The following SLC25A21 variants were observed in gnomAD, a reference collection of about 807,000 sequenced individuals.
The protein encoded by SLC25A21 is mitochondrial 2-oxodicarboxylate carrier.
A neutral mutation model predicts 43.8 loss-of-function variants in SLC25A21; 47 were observed. That is an observed-to-expected ratio of 1.07 (90% CI 0.85 to 1.37). SLC25A21 has a LOEUF of 1.37. Among genes scored for constraint, SLC25A21 ranks in the 40% most tolerant of loss-of-function variants. SLC25A21 has a pLI of 0.00. For missense variants in SLC25A21, 352 were observed against 350.2 expected (o/e 1.00, Z -0.04); for synonymous variants, 131 against 121.3 (o/e 1.08, Z -0.52).
intron 2 of SLC25A21, among the ~76,000 whole-genome samples, chr14:36,869,016 C>T (rs1287085293): frequency 1.3e-5 from 2 of 152,208 alleles, no homozygotes; most frequent in African/African-American, 4.8e-5. Flanking sequence ...ACACCACCTT[C>T]TCCCTTTGTC....
intron 1 of SLC25A21, among the ~76,000 whole-genome samples, chr14:37,150,677 C>T (rs199916099): frequency 2.0e-5 from 3 of 152,254 alleles, no homozygotes; most frequent in East Asian, 3.9e-4. Context: ...AGGAAGACAG[C>T]GCCATCTATA....
intron 3 of SLC25A21, among the ~76,000 whole-genome samples, chr14:36,789,895 A>AAT (rs1887413472): frequency 8.4e-6 from 1 of 119,508 alleles, no homozygotes; most frequent in Non-Finnish European, 1.7e-5. Context: ...TAAAATATAT[A>AAT]TTATATATAT....
chr14:37,069,609 A>G (rs1024428867), intron 1 of SLC25A21, among the ~76,000 whole-genome samples: 13 of 152,320 alleles, frequency 8.5e-5, no homozygotes, highest in Admixed American at 8.5e-4. Flanking sequence ...ACAGAAGTAA[A>G]TCATGCAAGG....
At chr14:36,735,930 ATTTT>A (rs776933723) in intron 3 of SLC25A21, among the ~76,000 whole-genome samples, 22 of 84,302 alleles carry the variant, frequency 2.6e-4, no homozygotes, top group Admixed American at 1.2e-3. Context: ...TCTGGCCACA[ATTTT>A]TTTTTTTTTT....
At chr14:36,736,554 T>C (rs1355095381) in intron 3 of SLC25A21, among the ~76,000 whole-genome samples, 1 of 152,140 alleles carries the variant, frequency 6.6e-6, no homozygotes, top group Non-Finnish European at 1.5e-5. Flanking sequence ...TATATAATGA[T>C]AAAGGTTATT....
rs149024509 is a variant in SLC25A21, at chr14:37,151,190, A to C, written c.70+21091T>G. ...GTCTATTCTAGTTTTTACAGACATT[A>C]AATTACATGCGACTTAAGATTCCCT... On this transcript the variant is annotated intron_variant, in intron 1 of 9. Transcript: ENST00000331299. Among the ~76,000 whole-genome samples, 1,316 of 152,310 alleles carry C rather than the reference A, an allele frequency of 8.6e-3. 72 individuals carry two copies. Among genetic ancestry groups the C allele is most frequent in the Admixed American group, 0.078 (1,188 of 15,284 alleles).
rs115619800 is a variant in SLC25A21, at chr14:36,855,638, C to A, written c.119+19318G>T. 5.9e-3 allele frequency among the ~76,000 whole-genome samples: 905 copies of A among 152,240 alleles called. 13 individuals are homozygous for A. Among genetic ancestry groups the A allele is most frequent in the African/African-American group, 0.021 (883 of 41,538 alleles). The stretch of plus-strand genomic sequence containing the variant: ...CAGTATGAGCAACTGTGGGGTGGGG[C>A]TCAGCAATCTGGGTTTTAACTAGCC... On this transcript the variant is annotated intron_variant, in intron 2 of 9. Coordinates refer to ENST00000331299, the MANE Select transcript of SLC25A21 (RefSeq NM_030631.4).
At chr14:36,813,221 C>T (rs1009111466) in intron 3 of SLC25A21, among the ~76,000 whole-genome samples, 3 of 152,236 alleles carry the variant, frequency 2.0e-5, no homozygotes, top group East Asian at 1.9e-4. Flanking sequence ...CCTAGCCCCT[C>T]GCTTCCAACA....
intron 1 of SLC25A21, among the ~76,000 whole-genome samples, chr14:37,146,393 C>T (rs766356133): frequency 2.6e-5 from 4 of 152,022 alleles, no homozygotes; most frequent in Non-Finnish European, 4.4e-5. Flanking sequence ...GCTACAGGAA[C>T]GTGGCATCAC....
At chr14:36,954,091 C>T (rs576076656) in intron 1 of SLC25A21, among the ~76,000 whole-genome samples, 61 of 152,268 alleles carry the variant, frequency 4.0e-4, no homozygotes, top group African/African-American at 1.4e-3. Flanking sequence ...CCAAACTGAT[C>T]GTCCCATCTC....
chr14:36,772,183 G>C (rs1886643995), intron 3 of SLC25A21, among the ~76,000 whole-genome samples: 1 of 152,192 alleles, frequency 6.6e-6, no homozygotes, highest in Non-Finnish European at 1.5e-5. Context: ...AAGTGAAAAG[G>C]GAGAGCTCTT....
At chr14:36,753,838 C>T (rs1885807801) in intron 3 of SLC25A21, among the ~76,000 whole-genome samples, 2 of 151,656 alleles carry the variant, frequency 1.3e-5, no homozygotes, top group South Asian at 2.1e-4. Flanking sequence ...TACCTGGCTT[C>T]TGATGAGGCA....
intron 6 of SLC25A21, among the ~76,000 whole-genome samples, chr14:36,716,705 T>A (rs1594518228): frequency 6.6e-6 from 1 of 152,024 alleles, no homozygotes; most frequent in African/African-American, 2.4e-5. Flanking sequence ...TTTTCTGGAG[T>A]TCTTCCATCT....
At position 36,710,000 on chromosome 14, in the gene SLC25A21, T is replaced by TG. The variant is rs147951586; in HGVS notation, c.603+1317dup. 4.4e-3 allele frequency among the ~76,000 whole-genome samples: 675 copies of TG among 152,316 alleles called. 4 individuals carry two copies. The highest frequency in any genetic ancestry group is 0.015 in the African/African-American group (641 of 41,560). ...GATACTATGGCTTAAAAGCACATCC[T>TG]GTGCTACTTTTATATTGTAGACGTT... On this transcript the variant is annotated intron_variant, in intron 7 of 9. Coordinates refer to ENST00000331299, the MANE Select transcript of SLC25A21 (RefSeq NM_030631.4).
intron 1 of SLC25A21, among the ~76,000 whole-genome samples, chr14:36,898,267 G>A (rs1161916850): frequency 1.3e-5 from 2 of 152,146 alleles, no homozygotes; most frequent in Non-Finnish European, 2.9e-5. Context: ...CTGCCACCTT[G>A]CAGTTTGATC....
intron 2 of SLC25A21, chr14:36,828,373 T>C (rs1888912778): frequency 6.6e-6 from 1 of 152,236 alleles, no homozygotes; most frequent in Non-Finnish European, 1.5e-5. Context: ...CTGAGGCTTT[T>C]AAGAAGTAAT....
At chr14:36,836,809 A>G (rs1199415840) in intron 2 of SLC25A21, among the ~76,000 whole-genome samples, 1 of 152,242 alleles carries the variant, frequency 6.6e-6, no homozygotes, top group African/African-American at 2.4e-5. Flanking sequence ...GAATTAACAG[A>G]AAGTTTTTCT....
At chr14:36,756,592 T>G (rs989381266) in intron 3 of SLC25A21, among the ~76,000 whole-genome samples, 39 of 152,278 alleles carry the variant, frequency 2.6e-4, no homozygotes, top group African/African-American at 8.9e-4. Flanking sequence ...CCTACCCATT[T>G]CCCTTGGCAC....
intron 4 of SLC25A21, among the ~76,000 whole-genome samples, chr14:36,732,585 G>A (rs1209043824): frequency 1.3e-5 from 2 of 151,962 alleles, no homozygotes; most frequent in Non-Finnish European, 2.9e-5. Flanking sequence ...AAAAACTTAA[G>A]ATTGTCTGTT....
Sources: gnomAD v4.1 joint callset for allele counts (sites outside exome capture counted in the v4.1 genomes callset) on GRCh38, gnomAD v4.1.1 for gene constraint, MANE v1.5 for transcripts, NCBI Gene and HGNC (gene_info 2026-07-23, HGNC 2026-07-21) for gene names.